ARL15: variants seen among roughly 807,000 people sequenced by gnomAD.
The protein encoded by ARL15 is ARF like GTPase 15.
In ARL15, 19 loss-of-function variants were observed where a neutral mutation model predicts 25.2. The observed-to-expected ratio is 0.75, with a 90% confidence interval of 0.53 to 1.10. ARL15 has a LOEUF of 1.10. ARL15 is among the 50% of genes least tolerant of loss of function. The pLI, the probability that ARL15 is intolerant of heterozygous loss-of-function variation, is 0.00. For synonymous variants in ARL15, 94 were observed against 86.8 expected (o/e 1.08, Z -0.46); for missense variants, 220 against 246.0 (o/e 0.89, Z 0.71).
At chr5:54,081,248 T>A (rs1409040128) in intron 4 of ARL15, among the ~76,000 whole-genome samples, 1 of 152,198 alleles carries the variant, frequency 6.6e-6, no homozygotes, top group Non-Finnish European at 1.5e-5. Flanking sequence ...GATGCCCATT[T>A]AGCCTTAGTT....
intron 4 of ARL15, among the ~76,000 whole-genome samples, chr5:54,032,941 G>A (rs972597472): frequency 2.6e-5 from 4 of 151,946 alleles, no homozygotes; most frequent in African/African-American, 9.7e-5. Flanking sequence ...CCCCATATTT[G>A]GAGTCAGGTA....
intron 3 of ARL15, among the ~76,000 whole-genome samples, chr5:54,123,175 T>C (rs1277657955): frequency 1.3e-5 from 2 of 151,776 alleles, no homozygotes; most frequent in Non-Finnish European, 2.9e-5. Context: ...AATGGTGCCA[T>C]CTCGGCTCAC....
At chr5:53,923,814 G>A (rs1054664025) in intron 4 of ARL15, among the ~76,000 whole-genome samples, 1 of 152,038 alleles carries the variant, frequency 6.6e-6, no homozygotes, top group African/African-American at 2.4e-5. Context: ...GCAGTGAGCC[G>A]AGGTTGCGCC....
chr5:54,304,958 T>C (rs1758717837), intron 1 of ARL15, among the ~76,000 whole-genome samples: 1 of 152,210 alleles, frequency 6.6e-6, no homozygotes, highest in Admixed American at 6.5e-5. Context: ...AATTTCATAG[T>C]GCCTGTGGGC....
At chr5:54,207,954 T>C (rs1755917576) in intron 1 of ARL15, among the ~76,000 whole-genome samples, 2 of 152,312 alleles carry the variant, frequency 1.3e-5, no homozygotes, top group South Asian at 4.1e-4. Flanking sequence ...AGGCACATAT[T>C]AAAGCAGGAG....
intron 4 of ARL15, among the ~76,000 whole-genome samples, chr5:53,966,108 T>A (rs535565567): frequency 6.6e-6 from 1 of 152,128 alleles, no homozygotes; most frequent in Non-Finnish European, 1.5e-5. Flanking sequence ...GAAAGACATA[T>A]GCAGGATTAG....
chr5:53,999,795 C>T (rs781337905), intron 4 of ARL15, among the ~76,000 whole-genome samples: 17 of 151,272 alleles, frequency 1.1e-4, no homozygotes, highest in Non-Finnish European at 1.9e-4. Flanking sequence ...ACTCAGGAGG[C>T]TGAGGCAGGA....
At position 53,886,380 on chromosome 5, in the gene ARL15, T is replaced by C; in HGVS notation, c.*181A>G. The C allele has an allele frequency of 1.6e-6, 1 of 635,792 alleles. No individual in the cohort carries two copies. Among genetic ancestry groups the C allele is most frequent in the Admixed American group, 3.2e-5 (1 of 31,332 alleles). 39.4% of individuals were successfully genotyped at this position (635,792 alleles called of 1,614,324 possible). A position where few individuals can be genotyped will look rare whatever the true frequency, so the allele number is the denominator to read the frequency against. ...CTCAGTAGTGTGTACTTGACGTTAA[T>C]GCCGATGATAATTCATCTGATCTAC... On this transcript the variant is annotated 3_prime_UTR_variant, in exon 5 of 5. Transcript: ENST00000504924.
chr5:54,096,581 T>G (rs934397933), intron 4 of ARL15, among the ~76,000 whole-genome samples: 7 of 152,130 alleles, frequency 4.6e-5, no homozygotes, highest in Non-Finnish European at 7.4e-5. Context: ...CAGCTAATTT[T>G]TGTATTTTTA....
intron 4 of ARL15, among the ~76,000 whole-genome samples, chr5:54,001,758 T>C (rs1399509557): frequency 1.3e-5 from 2 of 152,212 alleles, no homozygotes; most frequent in Admixed American, 6.5e-5. Flanking sequence ...GAGTCAACAA[T>C]GGCTGAAGGA....
intron 4 of ARL15, among the ~76,000 whole-genome samples, chr5:53,929,132 CTT>C (rs1200053265): frequency 6.7e-6 from 1 of 148,174 alleles, no homozygotes; most frequent in African/African-American, 2.5e-5. Context: ...CCATCTAACT[CTT>C]TGTTTAGATA....
At chr5:53,979,954 C>T (rs760192396) in intron 4 of ARL15, among the ~76,000 whole-genome samples, 2 of 152,178 alleles carry the variant, frequency 1.3e-5, no homozygotes, top group Non-Finnish European at 2.9e-5. Context: ...ATCCACCTGA[C>T]TTGGCCTCCC....
intron 4 of ARL15, among the ~76,000 whole-genome samples, chr5:54,027,350 T>C (rs771176898): frequency 6.6e-6 from 1 of 152,342 alleles, no homozygotes; most frequent in Admixed American, 6.5e-5. Flanking sequence ...CGGAAGGCAA[T>C]TGTGAATGGT....
At chr5:54,029,376 A>G (rs1175408209) in intron 4 of ARL15, among the ~76,000 whole-genome samples, 3 of 116,834 alleles carry the variant, frequency 2.6e-5, no homozygotes, top group Non-Finnish European at 3.5e-5. Flanking sequence ...CACCACCACC[A>G]CTACACCTAG....
At chr5:54,067,253 G>A (rs1936655135) in intron 4 of ARL15, 1 of 152,642 alleles carries the variant, frequency 6.6e-6, no homozygotes, top group Admixed American at 6.5e-5. Context: ...GAGATGGGAA[G>A]AGAGATTTTT....
At chr5:54,155,477 G>T (rs190715990) in intron 2 of ARL15, among the ~76,000 whole-genome samples, 322 of 152,194 alleles carry the variant, frequency 2.1e-3, no homozygotes, top group African/African-American at 7.5e-3. Flanking sequence ...AATATGTCAT[G>T]TATCTATTTT....
At chr5:54,181,755 G>A (rs114552558) in intron 1 of ARL15, among the ~76,000 whole-genome samples, 5 of 152,218 alleles carry the variant, frequency 3.3e-5, no homozygotes, top group East Asian at 3.9e-4. Flanking sequence ...TGAACATAGC[G>A]AGACCCCATC....
At chr5:54,240,392 T>A (rs912783148) in intron 1 of ARL15, among the ~76,000 whole-genome samples, 3 of 151,996 alleles carry the variant, frequency 2.0e-5, no homozygotes, top group Admixed American at 1.3e-4. Flanking sequence ...TACATGCAGG[T>A]AGAGTGGGGA....
At chr5:53,987,557 G>C (rs557731385) in intron 4 of ARL15, among the ~76,000 whole-genome samples, 2 of 151,832 alleles carry the variant, frequency 1.3e-5, no homozygotes, top group South Asian at 4.2e-4. Flanking sequence ...GTGAGAAAGA[G>C]AGATTACAGA....
Sources: allele counts gnomAD v4.1 joint callset (sites outside exome capture counted in the v4.1 genomes callset), GRCh38; gene constraint gnomAD v4.1.1; transcripts MANE v1.5; gene names NCBI Gene and HGNC (gene_info 2026-07-23, HGNC 2026-07-21).